The following RALYL variants were observed in gnomAD, a reference collection of about 807,000 sequenced individuals.
RALYL encodes the protein RNA-binding Raly-like protein.
A neutral mutation model predicts 35.1 loss-of-function variants in RALYL; 29 were observed. The ratio of observed to expected loss-of-function variants is 0.83; its 90% CI spans 0.61 to 1.13. The LOEUF is 1.13. RALYL is among the 50% of genes most tolerant of loss of function. The probability of loss-of-function intolerance (pLI) is 0.00; values close to 1 mark genes in which losing one functional copy is unlikely to be tolerated. For synonymous variants in RALYL, 120 were observed against 127.6 expected (o/e 0.94, Z 0.40); for missense variants, 359 against 360.4 (o/e 1.00, Z 0.03).
intron 3 of RALYL, among the ~76,000 whole-genome samples, chr8:84,800,048 T>G (rs16913323): frequency 0.037 from 5,667 of 152,290 alleles, 328 homozygotes; most frequent in African/African-American, 0.13. Flanking sequence ...ATTAGAGATA[T>G]TTCGTGGGCA....
At chr8:84,267,636 T>G (rs1234949826) in intron 1 of RALYL, among the ~76,000 whole-genome samples, 1 of 152,152 alleles carries the variant, frequency 6.6e-6, no homozygotes, top group Non-Finnish European at 1.5e-5. Flanking sequence ...GGAATACCAT[T>G]TAAAACTATC....
intron 8 of RALYL, among the ~76,000 whole-genome samples, chr8:84,910,040 C>T (rs1392844276): frequency 6.6e-6 from 1 of 152,054 alleles, no homozygotes; most frequent in Non-Finnish European, 1.5e-5. Flanking sequence ...AAATGAGGTT[C>T]AGAAAAGGAT....
At chr8:84,185,340 C>G (rs1006667216) in intron 1 of RALYL, 5 of 405,402 alleles carry the variant, frequency 1.2e-5, no homozygotes, top group Non-Finnish European at 1.8e-5. Context: ...GAACTGTGTA[C>G]AGGGCAGGAG....
chr8:84,734,322 C>T (rs1489275709), intron 2 of RALYL, among the ~76,000 whole-genome samples: 1 of 152,208 alleles, frequency 6.6e-6, no homozygotes, highest in Non-Finnish European at 1.5e-5. Context: ...TTATAATTAG[C>T]TTAAACAAAG....
chr8:84,699,554 C>G (rs752604984), intron 2 of RALYL, among the ~76,000 whole-genome samples: 12 of 152,174 alleles, frequency 7.9e-5, no homozygotes, highest in Admixed American at 4.6e-4. Flanking sequence ...CAAGGGATCT[C>G]TCTGGGGTCT....
At chr8:84,435,667 C>T (rs1396289951) in intron 1 of RALYL, among the ~76,000 whole-genome samples, 1 of 152,106 alleles carries the variant, frequency 6.6e-6, no homozygotes. Flanking sequence ...ACTACATTTG[C>T]CTTGTTTGCC....
intron 2 of RALYL, among the ~76,000 whole-genome samples, chr8:84,562,538 A>AAAG (rs1343048568): frequency 6.6e-6 from 1 of 151,976 alleles, no homozygotes; most frequent in East Asian, 1.9e-4. Flanking sequence ...CAAGTAGGTG[A>AAAG]AAGATGGTCA....
At chr8:84,263,246 A>G (rs1331483945) in intron 1 of RALYL, among the ~76,000 whole-genome samples, 2 of 152,184 alleles carry the variant, frequency 1.3e-5, no homozygotes, top group African/African-American at 4.8e-5. Flanking sequence ...GGACTCATGT[A>G]TTGATTTACC....
chr8:84,673,419 G>T (rs566630029), intron 2 of RALYL, among the ~76,000 whole-genome samples: 1 of 151,672 alleles, frequency 6.6e-6, no homozygotes, highest in African/African-American at 2.4e-5. Flanking sequence ...AATTGCTTTG[G>T]GTGTCTTTGT....
chr8:84,853,749 G>T (rs115879075), intron 5 of RALYL, among the ~76,000 whole-genome samples: 1,728 of 152,194 alleles, frequency 0.011, 38 homozygotes, highest in African/African-American at 0.039. Context: ...AAACAGAATG[G>T]AGAGGCTGGA....
intron 4 of RALYL, among the ~76,000 whole-genome samples, chr8:84,810,666 T>G (rs1224387949): frequency 2.0e-5 from 3 of 152,082 alleles, no homozygotes; most frequent in Non-Finnish European, 4.4e-5. Flanking sequence ...ATTTGGAAGC[T>G]CCAGTGTTAG....
intron 1 of RALYL, among the ~76,000 whole-genome samples, chr8:84,223,255 C>G (rs1444055936): frequency 9.2e-6 from 1 of 108,550 alleles, no homozygotes; most frequent in Admixed American, 1.1e-4. Flanking sequence ...TCCTTCTTTC[C>G]TTCATGTCTC....
At chr8:84,696,113 A>G (rs550900964) in intron 2 of RALYL, among the ~76,000 whole-genome samples, 45 of 151,988 alleles carry the variant, frequency 3.0e-4, no homozygotes, top group African/African-American at 1.1e-3. Flanking sequence ...TATATGAACA[A>G]TCATGTCTGT....
At chr8:84,238,263 G>A (rs1454596811) in intron 1 of RALYL, among the ~76,000 whole-genome samples, 1 of 151,984 alleles carries the variant, frequency 6.6e-6, no homozygotes, top group African/African-American at 2.4e-5. Context: ...ATATTTCTTT[G>A]ATGATGTCCA....
intron 1 of RALYL, among the ~76,000 whole-genome samples, chr8:84,454,787 T>G (rs1234576315): frequency 6.6e-6 from 1 of 152,066 alleles, no homozygotes; most frequent in Non-Finnish European, 1.5e-5. Flanking sequence ...AAACAAACAA[T>G]GTCTCACTCA....
chr8:84,326,450 A>G (rs569681779), intron 1 of RALYL, among the ~76,000 whole-genome samples: 1 of 152,308 alleles, frequency 6.6e-6, no homozygotes, highest in African/African-American at 2.4e-5. Flanking sequence ...CATTTAGCTA[A>G]CAGCTTAACT....
chr8:84,898,173 G>A (rs6473571), intron 8 of RALYL, among the ~76,000 whole-genome samples: 69,649 of 152,044 alleles, frequency 0.46, 18,978 homozygotes, highest in African/African-American at 0.75. Context: ...ATCATGTGGA[G>A]TATTTGTTAG....
At chr8:84,182,813 G>A (rs1811638674), upstream of RALYL, 1 of 152,638 alleles carries the variant, frequency 6.6e-6, no homozygotes, top group Admixed American at 6.5e-5. Context: ...GAACAGCAGA[G>A]GCAAAGGCAG....
Position 84,553,095 on chromosome 8 carries a change from A to G in RALYL, c.256+23518A>G, listed in dbSNP as rs184908169. On this transcript the variant is annotated intron_variant, in intron 2 of 8. Coordinates refer to ENST00000521268, the MANE Select transcript of RALYL (RefSeq NM_173848.7). ...ATTTTAAACTACTTTGAATTTATAT[A>G]AAGTAAAAACAAATCTTAATCTTAA... 6.6e-5 allele frequency among the ~76,000 whole-genome samples: 10 copies of G among 151,966 alleles called. No homozygotes were observed. In the East Asian group the frequency reaches 1.2e-3, roughly 18 times the overall value.
Sources: allele counts gnomAD v4.1 joint callset (sites outside exome capture counted in the v4.1 genomes callset), GRCh38; gene constraint gnomAD v4.1.1; transcripts MANE v1.5; gene names NCBI Gene and HGNC (gene_info 2026-07-23, HGNC 2026-07-21).